Variants in FBF1 observed in about 807,000 individuals in gnomAD.
The protein encoded by FBF1 is Fas binding factor 1, also known as fas-binding factor 1.
Under a neutral mutation model 147.2 loss-of-function variants are expected in FBF1, and 119 were observed. The ratio of observed to expected loss-of-function variants is 0.81; its 90% CI spans 0.70 to 0.94. FBF1 has a LOEUF of 0.94. Ranked by LOEUF, FBF1 falls within the 40% of genes least tolerant of loss-of-function variation. The pLI is 0.00. For missense variants in FBF1, 1,449 were observed against 1,500.8 expected (o/e 0.97, Z 0.57); for synonymous variants, 601 against 609.0 (o/e 0.99, Z 0.19).
rs771837305 is a variant in FBF1, at chr17:75,926,065, T to A, written c.833A>T (p.Glu278Val). Residue 278 changes from glutamate to valine, a missense_variant, in exon 12 of 30, where the codon GAG becomes GTG. Physicochemically the swap from Glu to Val is moderately radical, Grantham distance 121. Transcript: ENST00000636174. Reference protein sequence around the residue: ...LARPGTGEHREFKLDKKYQRP... With the variant: ...LARPGTGEHRVFKLDKKYQRP... ...CTGGTACTTCTTGTCTAGCTTGAACTCCCTGTGCTCCCCGGTGCCCGGGCG... is the reference window on the plus strand; with the variant it reads ...CTGGTACTTCTTGTCTAGCTTGAACACCCTGTGCTCCCCGGTGCCCGGGCG... 3 of 1,612,470 alleles carry A rather than the reference T, an allele frequency of 1.9e-6. No individual in the cohort carries two copies. The Admixed American group carries it at 5.0e-5, about 27-fold the overall frequency.
intron 17 of FBF1, 103 bp from the exon 18 acceptor site, chr17:75,920,532 G>C (rs1378939218): frequency 7.9e-7 from 1 of 1,267,574 alleles, no homozygotes; most frequent in Non-Finnish European, 1.1e-6. Flanking sequence ...CCCTGCATCT[G>C]ATCTGTGGCT....
Position 75,914,830 on chromosome 17 carries a change from T to C in FBF1, c.2731A>G (p.Ser911Gly). ...GCCTCGCGCTCGGCCCGCTCCTTAC[T>C]CAGCTTTTGCTGCGCGGAGAACTCC... The part of the protein sequence containing the change: ...WAEFSAQQKL[S>G]KERAEREAER... Residue 911 changes from serine to glycine, a missense_variant, in exon 25 of 30, where the codon AGT becomes GGT. Ser to Gly is a moderately conservative substitution (Grantham distance 56). Coordinates refer to ENST00000636174, the MANE Select transcript of FBF1 (RefSeq NM_001319193.2). The C allele has an allele frequency of 6.3e-7, 1 of 1,575,648 alleles. No individual in the cohort carries two copies. The highest frequency in any genetic ancestry group is 8.6e-7 in the Non-Finnish European group (1 of 1,157,024).
intron 4 of FBF1, among the ~76,000 whole-genome samples, 189 bp from the exon 5 acceptor site, chr17:75,933,277 G>T (rs182720959): frequency 2.3e-4 from 35 of 152,254 alleles, no homozygotes; most frequent in Admixed American, 2.0e-3. Context: ...TTCCAAGGAG[G>T]AAGTCAACCC....
chr17:75,911,118 G>A (rs1438882445), intron 29 of FBF1, among the ~76,000 whole-genome samples: 14 of 152,062 alleles, frequency 9.2e-5, no homozygotes, highest in Non-Finnish European at 1.5e-5. Context: ...GAGGGTAAAA[G>A]CTTAAAAAAT....
In FBF1 at chr17:75,910,795, G is replaced by T. The variant is rs1599478514; in HGVS notation, c.3375C>A (p.Phe1125Leu). The T allele has an allele frequency of 6.2e-7, 1 of 1,609,900 alleles. No homozygotes were observed. The highest frequency in any genetic ancestry group is 8.5e-7 in the Non-Finnish European group (1 of 1,178,238). The part of the protein sequence containing the change: ...LRHMAEQDRD[F>L]LENEQFFLET... ...CCAGGAAGAACTGTTCATTCTCCAA[G>T]AAGTCACGGTCCTGCAAGGCAGGTT... Residue 1125 changes from phenylalanine (F) to leucine (L), a missense_variant, in exon 30 of 30, where the codon TTC (phenylalanine) becomes TTA (leucine). Coordinates refer to ENST00000636174, the MANE Select transcript of FBF1 (RefSeq NM_001319193.2). The surrounding 1 kb of genome is among the most constrained non-coding windows in gnomAD (Gnocchi z 4.1).
rs996729999 is a variant in FBF1 at position 75,928,822 on chromosome 17, A to G, written c.280-629T>C. Among the ~76,000 whole-genome samples, 1 of 152,028 alleles carries G rather than the reference A, an allele frequency of 6.6e-6. No homozygotes were observed. The highest frequency in any genetic ancestry group is 2.4e-5 in the African/African-American group (1 of 41,390). On this transcript the variant is annotated intron_variant, in intron 7 of 29. Transcript: ENST00000636174. The surrounding 1 kb of genome is among the most constrained non-coding windows in gnomAD (Gnocchi z 4.2). The stretch of plus-strand genomic sequence containing the variant: ...GACTCCGTCTCAAAAAAATAAAAAT[A>G]AATTAAAAATAAAATAAAATAAAGA...
At chr17:75,932,581 C>T (rs1164093829) in intron 5 of FBF1, among the ~76,000 whole-genome samples, 1 of 151,768 alleles carries the variant, frequency 6.6e-6, no homozygotes, top group Non-Finnish European at 1.5e-5. Context: ...ATTGTCTTCA[C>T]TAAAAATACC....
chr17:75,909,700 G>T lies in FBF1; in HGVS notation c.*1023C>A. 1 of 580,848 alleles carries T rather than the reference G, an allele frequency of 1.7e-6. No homozygotes were observed. The highest frequency in any genetic ancestry group is 2.8e-5 in the East Asian group (1 of 35,978). 36.0% of individuals were successfully genotyped at this position (580,848 alleles called of 1,614,324 possible). A position where few individuals can be genotyped will look rare whatever the true frequency, so the allele number is the denominator to read the frequency against. ...GTGCCACCGCAGACCGCAGGTGCTG[G>T]AGGGGAGAGGCACGTGGCCAGAGGC... On this transcript the variant is annotated 3_prime_UTR_variant, in exon 30 of 30. Transcript: ENST00000636174.
intron 9 of FBF1, 94 bp downstream of exon 9, chr17:75,927,361 T>G: frequency 9.7e-7 from 1 of 1,033,802 alleles, no homozygotes; most frequent in Non-Finnish European, 1.4e-6. Flanking sequence ...CCATGTGACA[T>G]AGGCAGCAGC....
At chr17:75,914,319 G>T (rs1409087138) in intron 25 of FBF1, 21 bp from the exon 26 acceptor site, 1 of 1,577,542 alleles carries the variant, frequency 6.3e-7, no homozygotes, top group Non-Finnish European at 8.6e-7. Context: ...CGGAGGCCCT[G>T]CTGCATTCTC....
In FBF1 at chr17:75,917,989, G is replaced by T; in HGVS notation, c.2328C>A (p.His776Gln). 2 of 1,612,018 alleles carry T rather than the reference G, an allele frequency of 1.2e-6. No individual in the cohort carries two copies. The highest frequency in any genetic ancestry group is 1.1e-5 in the South Asian group (1 of 90,810). The change falls in exon 22 of 30, where the codon CAC becomes CAA. Residue 776 changes from histidine to glutamine, a missense_variant. By Grantham distance (24) the His-to-Gln change is conservative. Coordinates refer to ENST00000636174, the MANE Select transcript of FBF1 (RefSeq NM_001319193.2). ...GCTCCCGCTCCTGGGAGGTGGTGAG[G>T]TGCGAGGCCTCCACGCGGGAGGACA... ...HELSSRVEAS[H>Q]LTTSQERELG... is the part of the protein sequence containing the mutation.
chr17:75,933,773 C>G (rs894086673), intron 4 of FBF1, among the ~76,000 whole-genome samples: 2 of 152,054 alleles, frequency 1.3e-5, no homozygotes, highest in Non-Finnish European at 1.5e-5. Context: ...GACATTTCTC[C>G]AAAGATATAC....
chr17:75,938,126 C>T lies in FBF1; in HGVS notation c.3+21G>A, dbSNP rs1430284806. On this transcript the variant is annotated intron_variant, in intron 2 of 29. Transcript: ENST00000636174. ...GGAGGCATGTTCGCTTTCCATGCAT[C>T]TTACTCTGAACTCTGCCTACCATCT... is the stretch of plus-strand genomic sequence containing the variant. The T allele has an allele frequency of 2.5e-6, 4 of 1,613,352 alleles. No homozygotes were observed. The South Asian group carries it at 3.3e-5, about 13-fold the overall frequency.
Position 75,918,244 on chromosome 17 carries a change from C to A in FBF1, c.2164G>T (p.Asp722Tyr). Residue 722 changes from aspartate to tyrosine, a missense_variant, in exon 21 of 30, where the codon GAC becomes TAC. Coordinates refer to ENST00000636174, the MANE Select transcript of FBF1 (RefSeq NM_001319193.2). This position sits in a 1 kb window ranked among gnomAD's most constrained non-coding sequence, Gnocchi z 5.8. ...QRASILDMRR[D>Y]HEEQLQRLKL... is the part of the protein sequence containing the mutation. ...AGCCGCTGCAGCTGCTCCTCGTGGT[C>A]TCTGCGCATGTCTAGGATGGACGCC... 6.2e-7 allele frequency: 1 copy of A among 1,613,418 alleles called. No homozygotes were observed. Among genetic ancestry groups the A allele is most frequent in the South Asian group, 1.1e-5 (1 of 91,046 alleles).
Position 75,910,518 on chromosome 17 carries a change from C to T in FBF1, c.*205G>A, listed in dbSNP as rs1385653730. 1.8e-6 allele frequency: 1 copy of T among 569,560 alleles called. No homozygotes were observed. The highest frequency in any genetic ancestry group is 3.1e-5 in the Admixed American group (1 of 32,078). 35.3% of individuals were successfully genotyped at this position (569,560 alleles called of 1,614,324 possible). On this transcript the variant is annotated 3_prime_UTR_variant, in exon 30 of 30. Transcript: ENST00000636174. The surrounding 1 kb of genome is among the most constrained non-coding windows in gnomAD (Gnocchi z 4.1). ...GCAGCCAAAGCCATGGTAAGATAGC[C>T]TACACCACAGAGCCCCAGAGGCAGG...
In FBF1 at chr17:75,914,110, C is replaced by T; in HGVS notation, c.2991+12G>A. The T allele has an allele frequency of 6.3e-7, 1 of 1,596,974 alleles. No individual in the cohort carries two copies. Among genetic ancestry groups the T allele is most frequent in the Non-Finnish European group, 8.5e-7 (1 of 1,175,832 alleles). On this transcript the variant is annotated intron_variant, in intron 26 of 29. Coordinates refer to ENST00000636174, the MANE Select transcript of FBF1 (RefSeq NM_001319193.2). ...GCTCAGATGCGCCCACGCCCATGTG[C>T]CCGAGCAGCACCTTGCTCATGCTCT...
chr17:75,933,187 T>G, intron 4 of FBF1, 99 bp from the exon 5 acceptor site: 1 of 904,398 alleles, frequency 1.1e-6, no homozygotes, highest in Non-Finnish European at 1.7e-6. Flanking sequence ...GTCTCTGTAT[T>G]AGGAGGAAGA....
rs577427811 is a variant in FBF1 at position 75,913,470 on chromosome 17, CT to C, written c.3247+231del. 1,270 of 419,316 alleles carry C rather than the reference CT, an allele frequency of 3.0e-3. 6 individuals are homozygous for C. Among genetic ancestry groups the C allele is most frequent in the Middle Eastern group, 0.015 (24 of 1,594 alleles). 26.0% of individuals were successfully genotyped at this position (419,316 alleles called of 1,614,324 possible). A position where few individuals can be genotyped will look rare whatever the true frequency, so the allele number is the denominator to read the frequency against. Reference sequence around the variant, plus strand: ...GCCTGACAATGACTTTTTTTATTTCCTTTTTTTTTCCTGAGTCCAGAGTTAC... The same window carrying C: ...GCCTGACAATGACTTTTTTTATTTCCTTTTTTTTCCTGAGTCCAGAGTTAC... On this transcript the variant is annotated intron_variant, in intron 28 of 29. Transcript: ENST00000636174.
chr17:75,921,893 C>A (rs1185443403), intron 15 of FBF1, 52 bp downstream of exon 15: 1 of 1,461,078 alleles, frequency 6.8e-7, no homozygotes, highest in Non-Finnish European at 9.3e-7. Context: ...GGACAGAGGC[C>A]TGTGCTGCCC....
Sources: gnomAD v4.1 joint callset for allele counts (sites outside exome capture counted in the v4.1 genomes callset) on GRCh38, gnomAD v4.1.1 for gene constraint, Gnocchi (gnomAD v3.1) non-coding constraint, MANE v1.5 for transcripts, NCBI Gene and HGNC (gene_info 2026-07-23, HGNC 2026-07-21) for gene names.